TRPM3: variants seen among roughly 807,000 people sequenced by gnomAD.
The protein encoded by TRPM3 is long transient receptor potential channel 3.
Under a neutral mutation model 181.2 loss-of-function variants are expected in TRPM3, and 77 were observed. The ratio of observed to expected loss-of-function variants is 0.42; its 90% confidence interval spans 0.35 to 0.51. TRPM3 has a LOEUF of 0.51. Ranked by LOEUF, TRPM3 falls within the 20% of genes least tolerant of loss-of-function variation. The pLI, the probability that TRPM3 is intolerant of heterozygous loss-of-function variation, is 0.01. For synonymous variants in TRPM3, 745 were observed against 796.4 expected (o/e 0.94, Z 1.09); for missense variants, 1,759 against 2,196.7 (o/e 0.80, Z 3.98).
At chr9:71,385,274 ATTTC>A (rs964019922) in intron 1 of TRPM3, among the ~76,000 whole-genome samples, 6 of 152,182 alleles carry the variant, frequency 3.9e-5, no homozygotes, top group South Asian at 2.1e-4. Context: ...TCTGAAAAAT[ATTTC>A]TTTCTTTAAT....
At chr9:70,742,992 G>T (rs895177912) in intron 8 of TRPM3, among the ~76,000 whole-genome samples, 2 of 152,112 alleles carry the variant, frequency 1.3e-5, no homozygotes, top group South Asian at 4.1e-4. Flanking sequence ...TGGATTTCTG[G>T]GAAGAGATCA....
chr9:70,877,110 A>G (rs555525698), intron 1 of TRPM3, among the ~76,000 whole-genome samples: 44 of 152,084 alleles, frequency 2.9e-4, no homozygotes, highest in African/African-American at 1.0e-3. Context: ...TGGTCTTTTA[A>G]AATGACGAAT....
intron 14 of TRPM3, among the ~76,000 whole-genome samples, chr9:70,624,374 C>T (rs1393372352): frequency 2.0e-5 from 3 of 152,276 alleles, no homozygotes; most frequent in African/African-American, 7.2e-5. Context: ...TAGTATAATA[C>T]AGCCTCGAAC....
intron 22 of TRPM3, among the ~76,000 whole-genome samples, chr9:70,566,950 A>G (rs1352456986): frequency 6.6e-6 from 1 of 152,248 alleles, no homozygotes; most frequent in Non-Finnish European, 1.5e-5. Context: ...GAGCAAAACC[A>G]ACCTTTATAG....
At chr9:70,896,572 C>G (rs1218001270) in intron 1 of TRPM3, among the ~76,000 whole-genome samples, 1 of 151,688 alleles carries the variant, frequency 6.6e-6, no homozygotes, top group African/African-American at 2.4e-5. Flanking sequence ...AATTATTGTA[C>G]AAAAAAAGGA....
At chr9:70,835,115 G>C (rs1157190171) in intron 5 of TRPM3, among the ~76,000 whole-genome samples, 2 of 152,108 alleles carry the variant, frequency 1.3e-5, no homozygotes, top group African/African-American at 4.8e-5. Context: ...TGGTGTGCCA[G>C]CTCCCCCTTT....
chr9:71,278,800 T>C (rs770053905), intron 1 of TRPM3, among the ~76,000 whole-genome samples: 6 of 152,044 alleles, frequency 3.9e-5, no homozygotes, highest in Non-Finnish European at 5.9e-5. Flanking sequence ...TGATGACATA[T>C]TGAGATATCC....
At chr9:70,862,796 T>C in intron 3 of TRPM3, 112 bp downstream of exon 3, 2 of 1,043,776 alleles carry the variant, frequency 1.9e-6, no homozygotes, top group South Asian at 1.4e-5. Flanking sequence ...CATCAGACAG[T>C]GGCAGAGTGG....
chr9:71,257,364 A>G (rs2082737594), intron 1 of TRPM3, among the ~76,000 whole-genome samples: 1 of 152,162 alleles, frequency 6.6e-6, no homozygotes, highest in Non-Finnish European at 1.5e-5. Flanking sequence ...AGGTTGTCAA[A>G]TAGAGTAACT....
chr9:71,241,574 C>G (rs779361084), intron 1 of TRPM3, among the ~76,000 whole-genome samples: 1 of 151,602 alleles, frequency 6.6e-6, no homozygotes, highest in Non-Finnish European at 1.5e-5. Flanking sequence ...TGCAGCACAC[C>G]AATATGGCAC....
At chr9:70,848,562 G>A (rs1292870723) in intron 3 of TRPM3, among the ~76,000 whole-genome samples, 1 of 152,168 alleles carries the variant, frequency 6.6e-6, no homozygotes, top group Non-Finnish European at 1.5e-5. Flanking sequence ...AAAGGGAGGG[G>A]AAATTCCTCA....
chr9:70,974,970 C>T (rs1181192225), intron 1 of TRPM3, among the ~76,000 whole-genome samples: 1 of 149,808 alleles, frequency 6.7e-6, no homozygotes, highest in Non-Finnish European at 1.5e-5. Flanking sequence ...TGGCTTTAAG[C>T]CATCCTCCTT....
At chr9:71,138,150 C>T (rs2074882089) in intron 1 of TRPM3, among the ~76,000 whole-genome samples, 1 of 151,950 alleles carries the variant, frequency 6.6e-6, no homozygotes, top group Non-Finnish European at 1.5e-5. Context: ...ACGATGCTGC[C>T]TTGGGGGAGA....
chr9:71,298,172 ATGGG>A (rs1289929628), intron 1 of TRPM3, among the ~76,000 whole-genome samples: 2 of 152,124 alleles, frequency 1.3e-5, no homozygotes. Context: ...TAAGTCTTTA[ATGGG>A]GTGTCACTAT....
At chr9:70,745,901 A>T (rs528864492) in intron 8 of TRPM3, among the ~76,000 whole-genome samples, 4 of 152,326 alleles carry the variant, frequency 2.6e-5, no homozygotes, top group African/African-American at 9.6e-5. Flanking sequence ...ATTTTAACTA[A>T]GACTGGATAA....
intron 8 of TRPM3, among the ~76,000 whole-genome samples, chr9:70,751,926 AAGG>A (rs1325347471): frequency 6.6e-6 from 1 of 151,638 alleles, no homozygotes; most frequent in Non-Finnish European, 1.5e-5. Flanking sequence ...GATTTCCTTT[AAGG>A]AGGAGTCTTC....
intron 22 of TRPM3, among the ~76,000 whole-genome samples, chr9:70,553,814 A>C (rs1020805427): frequency 6.6e-6 from 1 of 152,220 alleles, no homozygotes; most frequent in African/African-American, 2.4e-5. Context: ...ACAACCTGGG[A>C]GCTCCAGCTA....
At chr9:70,767,318 G>C (rs577898698) in intron 7 of TRPM3, among the ~76,000 whole-genome samples, 8 of 152,154 alleles carry the variant, frequency 5.3e-5, no homozygotes, top group Non-Finnish European at 1.2e-4. Flanking sequence ...GCAGACATCT[G>C]CTTGCTCATT....
chr9:71,264,902 C>G (rs2083285196), intron 1 of TRPM3, among the ~76,000 whole-genome samples: 1 of 152,178 alleles, frequency 6.6e-6, no homozygotes, highest in South Asian at 2.1e-4. Flanking sequence ...TATTTTAAAT[C>G]TACTTCATGC....
Sources: gnomAD v4.1 joint callset for allele counts (sites outside exome capture counted in the v4.1 genomes callset) on GRCh38, gnomAD v4.1.1 for gene constraint, MANE v1.5 for transcripts, NCBI Gene and HGNC (gene_info 2026-07-23, HGNC 2026-07-21) for gene names.